The following TTN variants were observed in gnomAD, a reference collection of about 807,000 sequenced individuals.
TTN encodes connectin.
Under a neutral mutation model 3,223.0 loss-of-function variants are expected in TTN, and 1,525 were observed. The observed-to-expected ratio is 0.47, with a 90% CI of 0.45 to 0.49. The LOEUF (loss-of-function observed/expected upper bound fraction) is 0.49, where lower values mean the gene tolerates loss of function less well. Among genes scored for constraint, TTN ranks in the 20% least tolerant of loss-of-function variants. The pLI is 0.00. For missense variants in TTN, 40,786 were observed against 43,424.0 expected (o/e 0.94, Z 5.40); for synonymous variants, 14,094 against 15,161.0 (o/e 0.93, Z 5.17).
rs776061262 is a variant in TTN at position 178,720,085 on chromosome 2, G to A, written c.23557C>T (p.Leu7853Phe). 1.2e-6 allele frequency: 2 copies of A among 1,613,732 alleles called. No individual in the cohort carries two copies. The highest frequency in any genetic ancestry group is 1.1e-5 in the South Asian group (1 of 91,068). The change falls in exon 81 of 363, where the codon CTC (leucine) becomes TTC (phenylalanine). Residue 7853 changes from leucine (L) to phenylalanine (F), a missense_variant. Coordinates refer to ENST00000589042, the MANE Select transcript of TTN (RefSeq NM_001267550.2). The stretch of plus-strand genomic sequence containing the variant: ...GATGCTTCTGGACTCCCCAGCTGGA[G>A]GGTTGCAATGTTATCAATGAATGAA... ...RISFIDNIAT[L>F]QLGSPEASNS...
intron 263 of TTN, 112 bp downstream of exon 263, chr2:178,613,639 A>G: frequency 6.5e-6 from 7 of 1,077,942 alleles, no homozygotes; most frequent in Non-Finnish European, 8.9e-6. Context: ...GAGTAAAAGT[A>G]GTTTAAAATT....
intron 127 of TTN, among the ~76,000 whole-genome samples, chr2:178,686,006 G>T (rs1385663626): frequency 6.6e-6 from 1 of 151,244 alleles, no homozygotes; most frequent in South Asian, 2.1e-4. Flanking sequence ...TAAGTGAATT[G>T]TAAGATAATA....
chr2:178,759,324 T>C lies in TTN; in HGVS notation c.10115-152A>G, dbSNP rs969918028. 2.0e-5 allele frequency: 15 copies of C among 743,080 alleles called. No individual in the cohort carries two copies. In the East Asian group the frequency reaches 3.8e-4, roughly 19 times the overall value. The allele number at this position is 743,080 out of a possible 1,614,324, so 46.0% of individuals were successfully genotyped here. A position where few individuals can be genotyped will look rare whatever the true frequency, so the allele number is the denominator to read the frequency against. On this transcript the variant is annotated intron_variant, in intron 43 of 362. Transcript: ENST00000589042. Reference sequence around the variant, plus strand: ...TTCTCTGGGCATGCCATATCTACTATTGTTAAATGATTTCCTTTCATCTTC... The same window carrying C: ...TTCTCTGGGCATGCCATATCTACTACTGTTAAATGATTTCCTTTCATCTTC...
chr2:178,704,495 C>T lies in TTN; in HGVS notation c.29962+15G>A. ...TTAAATCTCACAAGTATTTCATAAG[C>T]CTTTTCTAACTTACCAATTACAGTT... On this transcript the variant is annotated intron_variant, in intron 105 of 362. Coordinates refer to ENST00000589042, the MANE Select transcript of TTN (RefSeq NM_001267550.2). 6.3e-7 allele frequency: 1 copy of T among 1,599,850 alleles called. No homozygotes were observed. The highest frequency in any genetic ancestry group is 1.1e-5 in the South Asian group (1 of 88,644).
Position 178,539,550 on chromosome 2 carries a change from G to T in TTN, c.98515C>A (p.Pro32839Thr), listed in dbSNP as rs949917519. Residue 32839 changes from proline to threonine, a missense_variant, in exon 352 of 363, where the codon CCT (proline) becomes ACT (threonine). Coordinates refer to ENST00000589042, the MANE Select transcript of TTN (RefSeq NM_001267550.2). ...TCAATGGTATACCAGGCGGCTTTAGGCACTTCTCGTCTCTCGAGGATGTAG... is the reference window on the plus strand; with the variant it reads ...TCAATGGTATACCAGGCGGCTTTAGTCACTTCTCGTCTCTCGAGGATGTAG... ...LGYILERREV[P>T]KAAWYTIDSR... 33 of 1,613,774 alleles carry T rather than the reference G, an allele frequency of 2.0e-5. No homozygotes were observed. Among genetic ancestry groups the T allele is most frequent in the Non-Finnish European group, 2.5e-5 (30 of 1,179,774 alleles).
chr2:178,792,114 A>C lies in TTN; in HGVS notation c.1620T>G (p.Ser540=). The change falls in exon 10 of 363, where the codon TCT becomes TCG. Residue 540 remains serine, a synonymous_variant. Coordinates refer to ENST00000589042, the MANE Select transcript of TTN (RefSeq NM_001267550.2). Reference sequence around the variant, plus strand: ...GTTTCTGTTTCTTAGTAATTTCTTCAGAAATTCTAGTTTCTTGTTCTTTGG... The same window carrying C: ...GTTTCTGTTTCTTAGTAATTTCTTCCGAAATTCTAGTTTCTTGTTCTTTGG... ...AKAKEQETRI[S]EEITKKQKQV... The C allele has an allele frequency of 6.2e-7, 1 of 1,612,644 alleles. No homozygotes were observed. The highest frequency in any genetic ancestry group is 1.3e-5 in the African/African-American group (1 of 75,014).
At position 178,537,839 on chromosome 2, in the gene TTN, TGG is replaced by T. The variant is rs746362922; in HGVS notation, c.99366_99367del (p.Cys33122Ter). Reference sequence around the variant, plus strand: ...GTCAGGAAGAGGCCTTCCAACAATCTGGCATGAGAGTTGAGCAGCTTCACCCA... The same window carrying T: ...GTCAGGAAGAGGCCTTCCAACAATCTCATGAGAGTTGAGCAGCTTCACCCA... On this transcript the variant is annotated stop_gained and frameshift_variant, in exon 355 of 363. Coordinates refer to ENST00000589042, the MANE Select transcript of TTN (RefSeq NM_001267550.2). LOFTEE classifies it high-confidence loss of function. 6.2e-7 allele frequency: 1 copy of T among 1,613,712 alleles called. No homozygotes were observed. The highest frequency in any genetic ancestry group is 8.5e-7 in the Non-Finnish European group (1 of 1,179,734).
In TTN at chr2:178,625,356, A is replaced by C. The variant is rs1235710023; in HGVS notation, c.44465T>G (p.Leu14822Arg). ...RSEGKVHTLT[L>R]RDVKLEDAGE... ...AGCATCTTCTAACTTTACATCCCTC[A>C]GAGTAAGTGTATGAACTTTTCCTTC... is the stretch of plus-strand genomic sequence containing the variant. Residue 14822 changes from leucine (L) to arginine (R), a missense_variant, in exon 241 of 363, where the codon CTG becomes CGG. Physicochemically the swap from Leu to Arg is moderately radical, Grantham distance 102 (BLOSUM62 -2). Coordinates refer to ENST00000589042, the MANE Select transcript of TTN (RefSeq NM_001267550.2). 1.9e-6 allele frequency: 3 copies of C among 1,598,398 alleles called. No individual in the cohort carries two copies. The highest frequency in any genetic ancestry group is 2.6e-6 in the Non-Finnish European group (3 of 1,173,924).
intron 47 of TTN, chr2:178,749,839 C>G: frequency 1.2e-6 from 2 of 1,613,142 alleles, no homozygotes. Flanking sequence ...TTACAACTGG[C>G]TGGGGCTCAC....
chr2:178,553,753 A>G lies in TTN; in HGVS notation c.89252T>C (p.Ile29751Thr), dbSNP rs397517742. ...GACAGGCTTACTCCAGCCAAGGGTG[A>G]TGGATGACTTGGTTGAATCTGCGAT... ...IRIADSTKSS[I>T]TLGWSKPVYD... is the part of the protein sequence containing the mutation. The change falls in exon 334 of 363, where the codon ATC (isoleucine) becomes ACC (threonine). Residue 29751 changes from isoleucine (I) to threonine (T), a missense_variant. Transcript: ENST00000589042. 2 of 1,610,382 alleles carry G rather than the reference A, an allele frequency of 1.2e-6. No individual in the cohort carries two copies. The highest frequency in any genetic ancestry group is 3.3e-5 in the Admixed American group (2 of 59,784).
At position 178,552,541 on chromosome 2, in the gene TTN, A is replaced by G. The variant is rs748786455; in HGVS notation, c.90359T>C (p.Ile30120Thr). ...GLSDPVTIGPITVKELIITPE... is the reference protein window; with the variant it reads ...GLSDPVTIGPTTVKELIITPE... ...TGTAATAATAAGTTCTTTCACTGTA[A>G]TTGGCCCAATAGTGACAGGATCACT... Residue 30120 changes from isoleucine (I) to threonine (T), a missense_variant, in exon 335 of 363, where the codon ATT (isoleucine) becomes ACT (threonine). Physicochemically the swap from Ile to Thr is moderately conservative, Grantham distance 89. Coordinates refer to ENST00000589042, the MANE Select transcript of TTN (RefSeq NM_001267550.2). The G allele has an allele frequency of 1.9e-6, 3 of 1,613,726 alleles. No individual in the cohort carries two copies. Among genetic ancestry groups the G allele is most frequent in the Non-Finnish European group, 1.7e-6 (2 of 1,179,772 alleles).
At position 178,608,482 on chromosome 2, in the gene TTN, TA is replaced by T; in HGVS notation, c.52406-6del. The T allele has an allele frequency of 2.5e-6, 4 of 1,572,046 alleles. No individual in the cohort carries two copies. The highest frequency in any genetic ancestry group is 2.3e-5 in the East Asian group (1 of 44,008). ...TATCTGGTGCATCAGGTGGTCCTGA[TA>T]AAAAAATAACATTTGAAGTAAATTT... is the stretch of plus-strand genomic sequence containing the variant. On this transcript the variant is annotated splice_polypyrimidine_tract_variant and splice_region_variant and intron_variant, in intron 274 of 362. Coordinates refer to ENST00000589042, the MANE Select transcript of TTN (RefSeq NM_001267550.2).
Position 178,611,625 on chromosome 2 carries a change from G to A in TTN, c.50604C>T (p.His16868=). 3.7e-6 allele frequency: 6 copies of A among 1,613,076 alleles called. No homozygotes were observed. The highest frequency in any genetic ancestry group is 5.1e-6 in the Non-Finnish European group (6 of 1,179,366). ...CTGGAGGCTTCCAAGCAATGGCAAT[G>A]TGTTTTCTCCCAGCATCAGTCACAT... ...DLHVTDAGRK[H]IAIAWKPPEK... The change falls in exon 269 of 363, where the codon CAC becomes CAT. Residue 16868 remains histidine (H), a synonymous_variant. Coordinates refer to ENST00000589042, the MANE Select transcript of TTN (RefSeq NM_001267550.2).
At chr2:178,688,037 G>A in intron 127 of TTN, 74 bp downstream of exon 127, 1 of 1,235,480 alleles carries the variant, frequency 8.1e-7, no homozygotes, top group Middle Eastern at 1.9e-4. Flanking sequence ...CTTTTCATTG[G>A]TCTGTAGACA....
At position 178,569,767 on chromosome 2, in the gene TTN, G is replaced by A; in HGVS notation, c.76365C>T (p.Cys25455=). The A allele has an allele frequency of 1.2e-6, 2 of 1,613,146 alleles. No individual in the cohort carries two copies. Among genetic ancestry groups the A allele is most frequent in the Non-Finnish European group, 1.7e-6 (2 of 1,179,580 alleles). ...TTTTATTAATTCCTGTTGGTGGAGTGCACATTGTCCATTCACCAACACTCA... is the reference window on the plus strand; with the variant it reads ...TTTTATTAATTCCTGTTGGTGGAGTACACATTGTCCATTCACCAACACTCA... ...CDVSVGEWTM[C]TPPTGINKTN... The change falls in exon 326 of 363, where the codon TGC becomes TGT. Residue 25455 remains cysteine (C), a synonymous_variant. Transcript: ENST00000589042.
At chr2:178,638,889 T>G (rs956252490) in intron 223 of TTN, among the ~76,000 whole-genome samples, 1 of 152,040 alleles carries the variant, frequency 6.6e-6, no homozygotes, top group Non-Finnish European at 1.5e-5. Flanking sequence ...ATCACCCAGA[T>G]AGTGAGCCAA....
chr2:178,557,204 G>C (rs1394950783), intron 329 of TTN, 49 bp downstream of exon 329: 1 of 1,612,886 alleles, frequency 6.2e-7, no homozygotes, highest in Admixed American at 1.7e-5. Context: ...GCAGAAGTAA[G>C]ATTTGCATTT....
chr2:178,699,613 G>A lies in TTN; in HGVS notation c.30683-699C>T, dbSNP rs372666629. Among the ~76,000 whole-genome samples the A allele has an allele frequency of 3.0e-4, 44 of 144,726 alleles. No individual in the cohort carries two copies. The South Asian group carries it at 9.4e-3, about 31-fold the overall frequency. The allele number at this position is 144,726 out of a possible 152,430, so 94.9% of individuals were successfully genotyped here. A position where few individuals can be genotyped will look rare whatever the true frequency, so the allele number is the denominator to read the frequency against. On this transcript the variant is annotated intron_variant, in intron 111 of 362. Transcript: ENST00000589042. ...TTTTTAGTAGAGACGGGGTTTCACC[G>A]TGTTAGCCAAGATGGTCTCGATCTC...
chr2:178,800,655 T>C lies in TTN; in HGVS notation c.323A>G (p.Gln108Arg). 6.2e-7 allele frequency: 1 copy of C among 1,610,002 alleles called. No individual in the cohort carries two copies. The highest frequency in any genetic ancestry group is 1.3e-5 in the African/African-American group (1 of 74,968). Residue 108 changes from glutamine to arginine, a missense_variant, in exon 4 of 363, where the codon CAA (glutamine) becomes CGA (arginine). Transcript: ENST00000589042. Reference sequence around the variant, plus strand: ...TCTCACGGTCATGCTCTGCAGTCGTTGAACGAAGTTGGGTGGTGCTGTCTC... The same window carrying C: ...TCTCACGGTCATGCTCTGCAGTCGTCGAACGAAGTTGGGTGGTGCTGTCTC... Reference protein sequence around the residue: ...KAETAPPNFVQRLQSMTVRQG... With the variant: ...KAETAPPNFVRRLQSMTVRQG...
Sources: allele counts gnomAD v4.1 joint callset (sites outside exome capture counted in the v4.1 genomes callset), GRCh38; gene constraint gnomAD v4.1.1; transcripts MANE v1.5; gene names NCBI Gene and HGNC (gene_info 2026-07-23, HGNC 2026-07-21).